HECW2: variants seen among roughly 807,000 people sequenced by gnomAD.
HECW2 encodes HECT, C2 and WW domain containing E3 ubiquitin protein ligase 2, also known as E3 ubiquitin-protein ligase HECW2.
Under a neutral mutation model 175.2 loss-of-function variants are expected in HECW2, and 61 were observed. The observed-to-expected ratio is 0.35, with a 90% CI of 0.28 to 0.43. The LOEUF (loss-of-function observed/expected upper bound fraction) is 0.43. HECW2 is among the 20% of genes least tolerant of loss of function. The pLI is 1.00. For synonymous variants in HECW2, 671 were observed against 731.0 expected, an observed-to-expected ratio of 0.92 and a Z score of 1.32; for missense variants, 1,524 against 2,000.5, an observed-to-expected ratio of 0.76 and a Z score of 4.54.
At chr2:196,522,655 A>T (rs1464947823) in intron 1 of HECW2, among the ~76,000 whole-genome samples, 4 of 151,450 alleles carry the variant, frequency 2.6e-5, no homozygotes, top group African/African-American at 9.7e-5. Context: ...TGATTTTTGT[A>T]TAAGGTGTAA....
chr2:196,563,481 G>A (rs972336321), intron 1 of HECW2, among the ~76,000 whole-genome samples: 1 of 141,234 alleles, frequency 7.1e-6, no homozygotes. Flanking sequence ...CAGGAGAATC[G>A]CTTGAACCCA....
At chr2:196,549,040 G>A (rs970402060) in intron 1 of HECW2, among the ~76,000 whole-genome samples, 4 of 152,092 alleles carry the variant, frequency 2.6e-5, no homozygotes, top group South Asian at 2.1e-4. Context: ...TGAACTTTGC[G>A]GGGGACACAA....
At chr2:196,503,578 A>G (rs1349048534) in intron 1 of HECW2, among the ~76,000 whole-genome samples, 2 of 152,150 alleles carry the variant, frequency 1.3e-5, no homozygotes, top group African/African-American at 4.8e-5. Context: ...CCCCTCACCC[A>G]GTCGGCCAAT....
intron 2 of HECW2, among the ~76,000 whole-genome samples, chr2:196,383,008 T>C (rs1376114438): frequency 6.6e-6 from 1 of 152,114 alleles, no homozygotes; most frequent in Admixed American, 6.6e-5. Flanking sequence ...TGAATTGCAG[T>C]AAGAGGAAAT....
At chr2:196,554,245 G>A (rs1349742646) in intron 1 of HECW2, among the ~76,000 whole-genome samples, 1 of 151,876 alleles carries the variant, frequency 6.6e-6, no homozygotes, top group East Asian at 1.9e-4. Context: ...AGAATGGCGT[G>A]AACCCGGAAG....
rs1692064876 is a variant in HECW2, at chr2:196,324,217, C to T, written c.741+763G>A. Among the ~76,000 whole-genome samples the T allele has an allele frequency of 3.3e-5, 5 of 152,180 alleles. No homozygotes were observed. In the South Asian group the frequency reaches 8.3e-4, roughly 25 times the overall value. ...ATGCCAGCCCAGAAAGATTTTCACA[C>T]TAGTTATGTAAAACATGCCTCAGAT... is the stretch of plus-strand genomic sequence containing the variant. On this transcript the variant is annotated intron_variant, in intron 6 of 28. Coordinates refer to ENST00000644978, the MANE Select transcript of HECW2 (RefSeq NM_001348768.2).
At chr2:196,586,877 T>C (rs780297282) in intron 1 of HECW2, 3 of 152,156 alleles carry the variant, frequency 2.0e-5, no homozygotes, top group Non-Finnish European at 4.4e-5. Flanking sequence ...GGTGGTTTCA[T>C]CCAACCATAA....
chr2:196,515,785 A>G (rs1023154155), intron 1 of HECW2, among the ~76,000 whole-genome samples: 2 of 152,124 alleles, frequency 1.3e-5, no homozygotes, highest in African/African-American at 4.8e-5. Context: ...CACTCCTGTT[A>G]AGATCCCTTC....
chr2:196,306,267 AGGCC>A (rs1348151860), intron 13 of HECW2, among the ~76,000 whole-genome samples: 1 of 152,184 alleles, frequency 6.6e-6, no homozygotes, highest in Non-Finnish European at 1.5e-5. Flanking sequence ...TGTTGCTTAT[AGGCC>A]ACCCAGCTTA....
At position 196,251,014 on chromosome 2, in the gene HECW2, C is replaced by T. The variant is rs116287621; in HGVS notation, c.3529+2906G>A. Among the ~76,000 whole-genome samples the T allele has an allele frequency of 7.5e-3, 1,143 of 152,252 alleles. 19 individuals are homozygous for T. The highest frequency in any genetic ancestry group is 0.027 in the African/African-American group (1,104 of 41,554). ...TCATGATTTTCAAATCTAAATGAGG[C>T]CTCTTTTCAGATCTCATCCTTCTTG... On this transcript the variant is annotated intron_variant, in intron 19 of 28. Coordinates refer to ENST00000644978, the MANE Select transcript of HECW2 (RefSeq NM_001348768.2).
At chr2:196,308,751 G>A (rs1023565123) in intron 10 of HECW2, among the ~76,000 whole-genome samples, 1 of 152,158 alleles carries the variant, frequency 6.6e-6, no homozygotes, top group Admixed American at 6.5e-5. Flanking sequence ...TTTCTAGAGA[G>A]ATATACAAGT....
intron 15 of HECW2, among the ~76,000 whole-genome samples, chr2:196,276,464 T>C (rs1033051166): frequency 6.6e-6 from 1 of 152,120 alleles, no homozygotes. Context: ...CTCATGCATG[T>C]TTTCCCAGAA....
chr2:196,436,093 T>C (rs779478341), intron 1 of HECW2, among the ~76,000 whole-genome samples: 22 of 152,090 alleles, frequency 1.4e-4, no homozygotes, highest in Non-Finnish European at 3.1e-4. Flanking sequence ...CCCATAACAC[T>C]GACAAGAGCC....
rs1198394344 is a variant in HECW2 at position 196,198,225 on chromosome 2, T to C, written c.*3052A>G. 1 of 152,186 alleles carries C rather than the reference T, an allele frequency of 6.6e-6. No homozygotes were observed. The highest frequency in any genetic ancestry group is 1.5e-5 in the Non-Finnish European group (1 of 68,024). The allele number at this position is 152,186 out of a possible 1,614,324, so 9.4% of individuals were successfully genotyped here. A position where few individuals can be genotyped will look rare whatever the true frequency, so the allele number is the denominator to read the frequency against. ...GTTGCTCCTTCACAGATCAGCTCCC[T>C]ACACACTTTACACTCTCGTTGTGTA... is the stretch of plus-strand genomic sequence containing the variant. On this transcript the variant is annotated 3_prime_UTR_variant, in exon 29 of 29. Coordinates refer to ENST00000644978, the MANE Select transcript of HECW2 (RefSeq NM_001348768.2).
At chr2:196,282,429 T>C (rs1473696280) in intron 14 of HECW2, among the ~76,000 whole-genome samples, 1 of 152,128 alleles carries the variant, frequency 6.6e-6, no homozygotes, top group African/African-American at 2.4e-5. Flanking sequence ...CCTCAAGAGA[T>C]CCTGAGAATG....
chr2:196,272,738 G>A (rs1347534026), intron 16 of HECW2, among the ~76,000 whole-genome samples: 4 of 152,020 alleles, frequency 2.6e-5, no homozygotes, highest in East Asian at 1.9e-4. Context: ...CTAAGTGCAC[G>A]TTTCACTATA....
chr2:196,446,043 C>A (rs562325868), intron 1 of HECW2, among the ~76,000 whole-genome samples: 1 of 152,276 alleles, frequency 6.6e-6, no homozygotes, highest in Admixed American at 6.5e-5. Context: ...CTATCTCATG[C>A]AGAGAAAAAG....
chr2:196,215,187 C>T (rs1256138477), intron 28 of HECW2, among the ~76,000 whole-genome samples: 1 of 152,188 alleles, frequency 6.6e-6, no homozygotes, highest in Non-Finnish European at 1.5e-5. Flanking sequence ...ATCTCAAACA[C>T]TTTTTGTACT....
rs1686826384 is a variant in HECW2 at position 196,200,679 on chromosome 2, A to T, written c.*598T>A. ...ATACCACTTGCATATACATTGTCAC[A>T]GACCATCTTATTGCAAATCTGTAAA... is the stretch of plus-strand genomic sequence containing the variant. On this transcript the variant is annotated 3_prime_UTR_variant, in exon 29 of 29. Transcript: ENST00000644978. 6.5e-6 allele frequency: 1 copy of T among 152,730 alleles called. No individual in the cohort carries two copies. 9.5% of individuals were successfully genotyped at this position (152,730 alleles called of 1,614,324 possible).
Sources: gnomAD v4.1 joint callset for allele counts (sites outside exome capture counted in the v4.1 genomes callset) on GRCh38, gnomAD v4.1.1 for gene constraint, MANE v1.5 for transcripts, NCBI Gene and HGNC (gene_info 2026-07-23, HGNC 2026-07-21) for gene names.